Variants in CNOT2 observed in about 807,000 individuals in gnomAD.
CNOT2 encodes the protein CCR4-NOT transcription complex subunit 2.
CNOT2 carries 7 observed loss-of-function variants against 72.1 expected under a neutral mutation model. That is an observed-to-expected ratio of 0.10 (90% CI 0.06 to 0.18). The LOEUF (loss-of-function observed/expected upper bound fraction) is 0.18, where lower values mean the gene tolerates loss of function less well. Ranked by LOEUF, CNOT2 falls within the 10% of genes least tolerant of loss-of-function variation. CNOT2 has a pLI of 1.00. For synonymous variants in CNOT2, 196 were observed against 225.6 expected (o/e 0.87, Z 1.17); for missense variants, 345 against 660.3 (o/e 0.52, Z 5.23).
At chr12:70,291,492 A>G (rs17814127) in intron 2 of CNOT2, among the ~76,000 whole-genome samples, 11,867 of 152,284 alleles carry the variant, frequency 0.078, 578 homozygotes, top group Admixed American at 0.15. Context: ...TTGAGCCACT[A>G]GTCTTCACAT....
In CNOT2 at chr12:70,332,880, A is replaced by T. The variant is rs761053719; in HGVS notation, c.649+34A>T. The T allele has an allele frequency of 1.9e-6, 3 of 1,545,024 alleles. No homozygotes were observed. In the Admixed American group the frequency reaches 6.5e-5, roughly 34 times the overall value. On this transcript the variant is annotated intron_variant, in intron 7 of 15. Coordinates refer to ENST00000229195, the MANE Select transcript of CNOT2 (RefSeq NM_014515.7). ...ATTCTGGAGCTAGTACCCTACAAAA[A>T]GTATGATAGATTTATGAAATATAAA...
intron 1 of CNOT2, among the ~76,000 whole-genome samples, chr12:70,251,404 AT>A (rs1436997822): frequency 1.3e-5 from 2 of 152,132 alleles, no homozygotes; most frequent in African/African-American, 4.8e-5. Flanking sequence ...AATGTTCTAG[AT>A]TTGGAGAATG....
chr12:70,266,794 GTA>G (rs150955405), intron 1 of CNOT2, among the ~76,000 whole-genome samples: 4,863 of 151,946 alleles, frequency 0.032, 144 homozygotes, highest in South Asian at 0.14. Flanking sequence ...TTTTTGCATG[GTA>G]TATCTTTTTT....
intron 2 of CNOT2, among the ~76,000 whole-genome samples, chr12:70,304,218 G>A (rs11178182): frequency 6.6e-6 from 1 of 151,132 alleles, no homozygotes; most frequent in Non-Finnish European, 1.5e-5. Context: ...AGTCATTCTC[G>A]GTCCAGCTTT....
intron 1 of CNOT2, among the ~76,000 whole-genome samples, chr12:70,264,862 G>A (rs1317897304): frequency 6.6e-6 from 1 of 152,074 alleles, no homozygotes; most frequent in Non-Finnish European, 1.5e-5. Context: ...TTTTTCGTTT[G>A]CTGTATTCCC....
intron 2 of CNOT2, among the ~76,000 whole-genome samples, chr12:70,294,743 G>C (rs943918229): frequency 6.6e-6 from 1 of 152,150 alleles, no homozygotes; most frequent in Middle Eastern, 3.2e-3. Flanking sequence ...TTTTCCTGAG[G>C]TATTAGGCAG....
At position 70,335,487 on chromosome 12, in the gene CNOT2, A is replaced by G. The variant is rs148665302; in HGVS notation, c.699A>G (p.Leu233=). ...TGGACCTTTCAGATTTCCCAGCATT[A>G]GCAGACCGAAACAGGAGGGAAGGAA... ...TGLDLSDFPA[L]ADRNRREGSG... The change falls in exon 8 of 16, where the codon TTA becomes TTG. Residue 233 remains leucine, a synonymous_variant. Transcript: ENST00000229195. 1.2e-5 allele frequency: 20 copies of G among 1,606,954 alleles called. No individual in the cohort carries two copies. The African/African-American group carries it at 2.3e-4, about 18-fold the overall frequency.
chr12:70,339,043 T>TGTGTGTGC (rs1881101763), intron 11 of CNOT2, among the ~76,000 whole-genome samples: 1 of 147,504 alleles, frequency 6.8e-6, no homozygotes, highest in Non-Finnish European at 1.5e-5. Flanking sequence ...TGTGTGTGTG[T>TGTGTGTGC]GTGTGTGCAT....
At chr12:70,300,242 T>G (rs1054658709) in intron 2 of CNOT2, among the ~76,000 whole-genome samples, 1 of 152,210 alleles carries the variant, frequency 6.6e-6, no homozygotes, top group African/African-American at 2.4e-5. Context: ...CATTTGTCAA[T>G]TTTGGCTTTT....
intron 1 of CNOT2, among the ~76,000 whole-genome samples, chr12:70,271,333 G>C (rs1370844264): frequency 1.3e-5 from 2 of 149,860 alleles, no homozygotes; most frequent in African/African-American, 4.9e-5. Context: ...TTACTGACAA[G>C]AGGGATAGGA....
intron 4 of CNOT2, chr12:70,322,584 G>T (rs997203682): frequency 1.3e-5 from 2 of 151,824 alleles, no homozygotes; most frequent in East Asian, 3.9e-4. Context: ...ACAAATTTGT[G>T]TCTGAATTCT....
chr12:70,261,358 A>G (rs1410831846), intron 1 of CNOT2, among the ~76,000 whole-genome samples: 2 of 108,864 alleles, frequency 1.8e-5, no homozygotes, highest in Non-Finnish European at 3.3e-5. Flanking sequence ...TCTGTTGCCC[A>G]GGCTGGAGTG....
At chr12:70,339,066 ATG>A (rs1358955412) in intron 11 of CNOT2, among the ~76,000 whole-genome samples, 2,755 of 134,648 alleles carry the variant, frequency 0.02, 37 homozygotes, top group Middle Eastern at 0.07. Context: ...GCATGTATAT[ATG>A]TGTGTGTGTA....
chr12:70,246,267 TA>T (rs1957871896), intron 1 of CNOT2, among the ~76,000 whole-genome samples: 1 of 152,196 alleles, frequency 6.6e-6, no homozygotes, highest in African/African-American at 2.4e-5. Flanking sequence ...TGGGATCACA[TA>T]TTTGAAGGCA....
intron 1 of CNOT2, among the ~76,000 whole-genome samples, chr12:70,261,572 T>C (rs1958764686): frequency 6.6e-6 from 1 of 152,000 alleles, no homozygotes; most frequent in Non-Finnish European, 1.5e-5. Context: ...TGCCTCAGCC[T>C]CCCAAAGTGC....
chr12:70,338,171 A>AT (rs5798975), intron 9 of CNOT2: 2,319 of 260,634 alleles, frequency 8.9e-3, no homozygotes, highest in Non-Finnish European at 0.012. Flanking sequence ...AAAGAGATAG[A>AT]TTTTTTTTTT....
intron 2 of CNOT2, among the ~76,000 whole-genome samples, chr12:70,306,489 C>T (rs1472598895): frequency 6.6e-6 from 1 of 152,010 alleles, no homozygotes; most frequent in Non-Finnish European, 1.5e-5. Flanking sequence ...CTGCTTAGTT[C>T]TTATGAAATC....
chr12:70,250,914 T>G (rs2135700603), intron 1 of CNOT2, among the ~76,000 whole-genome samples: 1 of 152,304 alleles, frequency 6.6e-6, no homozygotes, highest in Non-Finnish European at 1.5e-5. Flanking sequence ...CCCAGTAATC[T>G]GTAATAGGTT....
chr12:70,333,076 A>T (rs1880185981), intron 7 of CNOT2, among the ~76,000 whole-genome samples: 1 of 151,760 alleles, frequency 6.6e-6, no homozygotes, highest in Non-Finnish European at 1.5e-5. Context: ...TAACATCAGG[A>T]TTATTTCCTT....
Sources: allele counts gnomAD v4.1 joint callset (sites outside exome capture counted in the v4.1 genomes callset), GRCh38; gene constraint gnomAD v4.1.1; transcripts MANE v1.5; gene names NCBI Gene and HGNC (gene_info 2026-07-23, HGNC 2026-07-21).